Variants in CHST15 observed in about 807,000 individuals in gnomAD.
CHST15 encodes B cell RAG associated protein (GALNAC4S-6ST).
A neutral mutation model predicts 53.6 loss-of-function variants in CHST15; 30 were observed. The observed-to-expected ratio is 0.56, with a 90% CI of 0.42 to 0.76. The LOEUF (loss-of-function observed/expected upper bound fraction) is 0.76. CHST15 is among the 30% of genes least tolerant of loss of function. CHST15 has a pLI of 0.00. For missense variants in CHST15, 627 were observed against 740.5 expected (o/e 0.85, Z 1.78); for synonymous variants, 296 against 289.8 (o/e 1.02, Z -0.22).
At chr10:124,012,860 C>T (rs551084320) in intron 6 of CHST15, among the ~76,000 whole-genome samples, 2 of 152,240 alleles carry the variant, frequency 1.3e-5, no homozygotes, top group South Asian at 2.1e-4. Context: ...CAGCACACAA[C>T]GGGATGTGAA....
chr10:124,012,314 C>G lies in CHST15; in HGVS notation c.1495+19G>C, dbSNP rs755565915. The G allele has an allele frequency of 3.7e-6, 6 of 1,610,038 alleles. No individual in the cohort carries two copies. Among genetic ancestry groups the G allele is most frequent in the Non-Finnish European group, 5.1e-6 (6 of 1,177,224 alleles). The stretch of plus-strand genomic sequence containing the variant: ...GGAGCTCATGCTTTGGCCCGTCAGT[C>G]TAAGCACCACACTCATACCTAGGTT... On this transcript the variant is annotated intron_variant, in intron 7 of 7. Coordinates refer to ENST00000435907, the MANE Select transcript of CHST15 (RefSeq NM_001270764.2).
Position 124,021,336 on chromosome 10 carries a change from G to A in CHST15, c.1267C>T (p.Leu423=). 6.2e-7 allele frequency: 1 copy of A among 1,614,054 alleles called. No homozygotes were observed. The highest frequency in any genetic ancestry group is 1.3e-5 in the African/African-American group (1 of 74,988). Residue 423 remains leucine, a synonymous_variant, in exon 6 of 8, where the codon CTG becomes TTG. Transcript: ENST00000435907. ...DDFHEKVTEA[L]QLFENCMLDY... ...AGCATGCAATTTTCAAACAGCTGCA[G>A]TGCTTCTGTCACTTTCTCATGGAAG...
At chr10:124,073,768 C>T (rs554177835) in intron 1 of CHST15, among the ~76,000 whole-genome samples, 2 of 152,306 alleles carry the variant, frequency 1.3e-5, no homozygotes, top group South Asian at 2.1e-4. Flanking sequence ...CTTTCAGAGG[C>T]GCCAAACCAA....
At chr10:124,076,958 C>T (rs1269181237) in intron 1 of CHST15, among the ~76,000 whole-genome samples, 1 of 152,236 alleles carries the variant, frequency 6.6e-6, no homozygotes, top group Non-Finnish European at 1.5e-5. Flanking sequence ...ATCCACCTGC[C>T]TCAGCCTCCC....
At chr10:124,072,796 C>T (rs1281972164) in intron 1 of CHST15, among the ~76,000 whole-genome samples, 1 of 152,174 alleles carries the variant, frequency 6.6e-6, no homozygotes, top group Non-Finnish European at 1.5e-5. Flanking sequence ...AACGTGACCA[C>T]GTGGGCAGAA....
chr10:124,042,236 C>G, intron 4 of CHST15, 65 bp downstream of exon 4: 1 of 1,533,296 alleles, frequency 6.5e-7, no homozygotes, highest in Non-Finnish European at 8.9e-7. Flanking sequence ...CTGGGCTAGG[C>G]CTGGAGCCAG....
intron 1 of CHST15, among the ~76,000 whole-genome samples, chr10:124,060,581 G>C (rs939272291): frequency 2.2e-4 from 33 of 150,724 alleles, no homozygotes; most frequent in African/African-American, 7.8e-4. Context: ...CACCAGGAGT[G>C]TGCAAAGGTG....
At chr10:124,025,840 G>A (rs1006584323) in intron 5 of CHST15, among the ~76,000 whole-genome samples, 1 of 152,180 alleles carries the variant, frequency 6.6e-6, no homozygotes, top group African/African-American at 2.4e-5. Flanking sequence ...GCCAAGGAAC[G>A]CCAAGGACTG....
rs565409809 is a variant in CHST15 at position 124,045,714 on chromosome 10, T to A, written c.499A>T (p.Thr167Ser). 1 of 1,613,594 alleles carries A rather than the reference T, an allele frequency of 6.2e-7. No individual in the cohort carries two copies. The highest frequency in any genetic ancestry group is 1.3e-5 in the African/African-American group (1 of 75,062). Residue 167 changes from threonine (T) to serine (S), a missense_variant, in exon 2 of 8, where the codon ACC (threonine) becomes TCC (serine). Physicochemically the swap from Thr to Ser is moderately conservative, Grantham distance 58. This residue lies in a region of CHST15 where 187 missense variants were observed against 251.8 expected (regional missense o/e 0.74). Transcript: ENST00000435907. ...TCTTCTAAGTCTGGGAGCTGTCTGG[T>A]CGTGAACTCAATCCTAGTTGTGATG... Reference protein sequence around the residue: ...NSITTRIEFTTRQLPDLEDLK... With the variant: ...NSITTRIEFTSRQLPDLEDLK...
chr10:124,082,844 C>G, intron 1 of CHST15, among the ~76,000 whole-genome samples: 1 of 152,194 alleles, frequency 6.6e-6, no homozygotes, highest in East Asian at 1.9e-4. Flanking sequence ...TGATTCTGCT[C>G]ATACGAAAGT....
In CHST15 at chr10:124,036,179, G is replaced by A. The variant is rs958831599; in HGVS notation, c.1190+2336C>T. On this transcript the variant is annotated intron_variant, in intron 5 of 7. Transcript: ENST00000435907. This position sits in a 1 kb window ranked among gnomAD's most constrained non-coding sequence, Gnocchi z 5.1. The stretch of plus-strand genomic sequence containing the variant: ...AGAGCAGCTATGCAAACACCTCCGG[G>A]GGCGGCGAGGGGTCAGCTCGAGGTG... Among the ~76,000 whole-genome samples the A allele has an allele frequency of 6.6e-6, 1 of 152,248 alleles. No homozygotes were observed. The highest frequency in any genetic ancestry group is 1.5e-5 in the Non-Finnish European group (1 of 68,044).
chr10:124,045,560 C>T (rs1947964659), intron 2 of CHST15, 107 bp downstream of exon 2: 2 of 1,121,422 alleles, frequency 1.8e-6, no homozygotes, highest in Non-Finnish European at 2.6e-6. Flanking sequence ...ACATCTAAGA[C>T]ATTTTTTAGT....
intron 1 of CHST15, among the ~76,000 whole-genome samples, chr10:124,072,233 A>C (rs1948938940): frequency 6.6e-6 from 1 of 152,108 alleles, no homozygotes; most frequent in South Asian, 2.1e-4. Context: ...GTGAGTTACA[A>C]ATTTGACAGA....
At position 124,046,476 on chromosome 10, in the gene CHST15, G is replaced by A; in HGVS notation, c.-264C>T. On this transcript the variant is annotated 5_prime_UTR_variant, in exon 2 of 8. Transcript: ENST00000435907. ...CAAGAGCCGCTGCAACCTCAGAGAAGGTCACAAGTTCGGGAGCAGCTCTGC... is the reference window on the plus strand; with the variant it reads ...CAAGAGCCGCTGCAACCTCAGAGAAAGTCACAAGTTCGGGAGCAGCTCTGC... 1 of 369,160 alleles carries A rather than the reference G, an allele frequency of 2.7e-6. No homozygotes were observed. The highest frequency in any genetic ancestry group is 4.8e-6 in the Non-Finnish European group (1 of 206,870). 22.9% of individuals were successfully genotyped at this position (369,160 alleles called of 1,614,324 possible).
chr10:124,010,423 C>T (rs28711894), intron 7 of CHST15, 84 bp from the exon 8 acceptor site: 1 of 1,447,194 alleles, frequency 6.9e-7, no homozygotes, highest in South Asian at 1.5e-5. Flanking sequence ...AGCTATGCTT[C>T]GTATTCAGAC....
intron 5 of CHST15, among the ~76,000 whole-genome samples, chr10:124,023,167 G>A (rs1400236779): frequency 6.6e-6 from 1 of 152,036 alleles, no homozygotes; most frequent in East Asian, 1.9e-4. Context: ...CAATGGTCCT[G>A]AAGAAGGCCT....
intron 6 of CHST15, among the ~76,000 whole-genome samples, chr10:124,015,684 T>C (rs1946564794): frequency 6.6e-6 from 1 of 152,246 alleles, no homozygotes; most frequent in African/African-American, 2.4e-5. Context: ...CGTGCCACCA[T>C]GTGCCAGGCA....
chr10:124,037,981 A>G (rs1035643321), intron 5 of CHST15, among the ~76,000 whole-genome samples: 1 of 152,256 alleles, frequency 6.6e-6, no homozygotes, highest in Admixed American at 6.5e-5. Context: ...ACAGACCAGG[A>G]TCAGAATGGT....
chr10:124,042,896 A>G (rs375905428), intron 3 of CHST15, among the ~76,000 whole-genome samples: 1 of 152,134 alleles, frequency 6.6e-6, no homozygotes, highest in East Asian at 1.9e-4. Flanking sequence ...AGTATCCTAT[A>G]AACTCCATGA....
Sources: gnomAD v4.1 joint callset for allele counts (sites outside exome capture counted in the v4.1 genomes callset) on GRCh38, gnomAD v4.1.1 for gene constraint, gnomAD v4.1.1 regional missense constraint, Gnocchi (gnomAD v3.1) non-coding constraint, MANE v1.5 for transcripts, NCBI Gene and HGNC (gene_info 2026-07-23, HGNC 2026-07-21) for gene names.